Variants in EML6 observed in about 807,000 individuals in gnomAD.
The protein encoded by EML6 is EMAP like 6.
Under a neutral mutation model 240.1 loss-of-function variants are expected in EML6, and 154 were observed. The ratio of observed to expected loss-of-function variants is 0.64; its 90% CI spans 0.56 to 0.73. The LOEUF is 0.73. Ranked by LOEUF, EML6 falls within the 30% of genes least tolerant of loss-of-function variation. The pLI is 0.00. For missense variants in EML6, 2,964 were observed against 2,474.6 expected (o/e 1.20, Z -4.20); for synonymous variants, 1,148 against 899.0 (o/e 1.28, Z -4.95).
At chr2:54,895,547 C>T in intron 21 of EML6, 147 bp downstream of exon 21, 3 of 704,050 alleles carry the variant, frequency 4.3e-6, no homozygotes, top group South Asian at 3.9e-5. Context: ...TGCTGTGTAA[C>T]AAATTGCCAC....
In EML6 at chr2:54,792,095, T is replaced by G. The variant is rs150615025; in HGVS notation, c.198-21137T>G. 6.8e-3 allele frequency among the ~76,000 whole-genome samples: 1,042 copies of G among 152,258 alleles called. 12 individuals carry two copies. Among genetic ancestry groups the G allele is most frequent in the African/African-American group, 0.023 (974 of 41,542 alleles). ...TCAGTTTTTTAAAAGTTCAGAAATG[T>G]GATTTGTAGAAGGAGTAATAGAAGG... On this transcript the variant is annotated intron_variant, in intron 2 of 41. Coordinates refer to ENST00000356458, the MANE Select transcript of EML6 (RefSeq NM_001039753.4).
At chr2:54,905,321 GACACACACACACAC>G (rs70944194) in intron 24 of EML6, among the ~76,000 whole-genome samples, 12,325 of 121,612 alleles carry the variant, frequency 0.1, 1,087 homozygotes, top group African/African-American at 0.24. Flanking sequence ...TTTAGAATCC[GACACACACACACAC>G]ACACACACAC....
chr2:54,830,567 G>A (rs999742706), intron 7 of EML6, among the ~76,000 whole-genome samples: 1 of 152,194 alleles, frequency 6.6e-6, no homozygotes. Flanking sequence ...ACCTGATGGC[G>A]ATGCTGCCAC....
chr2:54,840,364 A>T (rs1469756461), intron 7 of EML6, among the ~76,000 whole-genome samples: 1 of 152,280 alleles, frequency 6.6e-6, no homozygotes, highest in African/African-American at 2.4e-5. Context: ...ATAACGTATC[A>T]CTAAGATGTA....
At chr2:54,778,685 G>A (rs1215603931) in intron 2 of EML6, among the ~76,000 whole-genome samples, 2 of 151,758 alleles carry the variant, frequency 1.3e-5, no homozygotes, top group African/African-American at 2.4e-5. Context: ...TCAGGAGATC[G>A]AGACCATCCT....
At chr2:54,765,155 T>G (rs1322020377) in intron 2 of EML6, among the ~76,000 whole-genome samples, 1 of 152,182 alleles carries the variant, frequency 6.6e-6, no homozygotes, top group Non-Finnish European at 1.5e-5. Context: ...CGTAGAAGTT[T>G]TAGAAGCAGT....
At chr2:54,941,445 G>T (rs1446088772) in intron 28 of EML6, among the ~76,000 whole-genome samples, 1 of 152,194 alleles carries the variant, frequency 6.6e-6, no homozygotes, top group Non-Finnish European at 1.5e-5. Flanking sequence ...TCCTTCCTCA[G>T]CGTAGCCGGA....
intron 7 of EML6, among the ~76,000 whole-genome samples, chr2:54,830,913 G>C (rs1668837393): frequency 6.6e-6 from 1 of 152,206 alleles, no homozygotes; most frequent in South Asian, 2.1e-4. Flanking sequence ...TAGGCACAGA[G>C]TTTGGCATAG....
At chr2:54,797,169 A>AAAAAAAAAAAAAAAAAAAAAC (rs1558556912) in intron 2 of EML6, among the ~76,000 whole-genome samples, 9 of 133,474 alleles carry the variant, frequency 6.7e-5, no homozygotes, top group South Asian at 2.4e-4. Context: ...CATCTCAAAA[A>AAAAAAAAAAAAAAAAAAAAAC]AAAAAAAAAA....
At chr2:54,896,003 C>T (rs1409000281) in intron 21 of EML6, among the ~76,000 whole-genome samples, 2 of 152,228 alleles carry the variant, frequency 1.3e-5, no homozygotes, top group Non-Finnish European at 1.5e-5. Flanking sequence ...AAACAAGTCA[C>T]AGGTCATACC....
Position 54,850,162 on chromosome 2 carries a change from G to A in EML6, c.1388G>A (p.Ser463Asn). 6.4e-7 allele frequency: 1 copy of A among 1,551,686 alleles called. No individual in the cohort carries two copies. The highest frequency in any genetic ancestry group is 2.4e-5 in the East Asian group (1 of 40,922). The change falls in exon 10 of 42, where the codon AGT (serine) becomes AAT (asparagine). Residue 463 changes from serine to asparagine, a missense_variant. Transcript: ENST00000356458. The stretch of plus-strand genomic sequence containing the variant: ...ACGCATATTGACTGGTCCTTGGATA[G>A]TAAATACTTACAAACTAATGACGGT... The part of the protein sequence containing the change: ...FITHIDWSLD[S>N]KYLQTNDGAG...
At chr2:54,919,234 A>G (rs899505282) in intron 26 of EML6, among the ~76,000 whole-genome samples, 8 of 121,108 alleles carry the variant, frequency 6.6e-5, no homozygotes, top group African/African-American at 1.9e-4. Context: ...ACTTTCCTCT[A>G]TTTTGCTTCC....
At chr2:54,903,229 C>T in intron 23 of EML6, 33 bp downstream of exon 23, 2 of 1,544,472 alleles carry the variant, frequency 1.3e-6, no homozygotes, top group Non-Finnish European at 1.8e-6. Context: ...TTTAAAATAG[C>T]ACAGTCTTGG....
intron 2 of EML6, among the ~76,000 whole-genome samples, chr2:54,749,660 G>A (rs1029263477): frequency 3.9e-5 from 6 of 152,074 alleles, no homozygotes; most frequent in African/African-American, 1.4e-4. Flanking sequence ...AATTTTTGAG[G>A]TAGATACTAT....
chr2:54,778,197 CA>C (rs1296445024), intron 2 of EML6, among the ~76,000 whole-genome samples: 1 of 152,052 alleles, frequency 6.6e-6, no homozygotes, highest in Admixed American at 6.5e-5. Flanking sequence ...TGTGCAAATC[CA>C]GAATTAATTC....
chr2:54,821,278 C>G (rs970916810), intron 5 of EML6, among the ~76,000 whole-genome samples: 1 of 152,064 alleles, frequency 6.6e-6, no homozygotes, highest in South Asian at 2.1e-4. Context: ...ACGATCCTTC[C>G]CATTAGTCTT....
chr2:54,927,467 G>A (rs75415032), intron 26 of EML6, among the ~76,000 whole-genome samples: 1 of 152,178 alleles, frequency 6.6e-6, no homozygotes, highest in Non-Finnish European at 1.5e-5. Flanking sequence ...TATTCTGTAA[G>A]GTATTCCCTC....
intron 31 of EML6, among the ~76,000 whole-genome samples, 171 bp downstream of exon 31, chr2:54,952,863 A>G (rs975144887): frequency 1.3e-5 from 2 of 152,172 alleles, no homozygotes; most frequent in Admixed American, 6.5e-5. Context: ...TGACACATCC[A>G]GTGACTGTGA....
chr2:54,810,057 T>A (rs900776737), intron 2 of EML6, among the ~76,000 whole-genome samples: 2 of 152,208 alleles, frequency 1.3e-5, no homozygotes, highest in African/African-American at 4.8e-5. Context: ...TAAGCAATCA[T>A]GTTACATCAA....
Sources: gnomAD v4.1 joint callset for allele counts (sites outside exome capture counted in the v4.1 genomes callset) on GRCh38, gnomAD v4.1.1 for gene constraint, MANE v1.5 for transcripts, NCBI Gene and HGNC (gene_info 2026-07-23, HGNC 2026-07-21) for gene names.